The following EVI5 variants were observed in gnomAD, a reference collection of about 807,000 sequenced individuals.
EVI5 encodes ecotropic viral integration site 5 protein homolog.
A neutral mutation model predicts 112.0 loss-of-function variants in EVI5; 73 were observed. The observed-to-expected ratio is 0.65, with a 90% confidence interval of 0.54 to 0.79. The LOEUF (loss-of-function observed/expected upper bound fraction) is 0.79, where lower values mean the gene tolerates loss of function less well. Ranked by LOEUF, EVI5 falls within the 30% of genes least tolerant of loss-of-function variation. The probability of loss-of-function intolerance (pLI) is 0.00; values close to 1 mark genes in which losing one functional copy is unlikely to be tolerated. For synonymous variants in EVI5, 305 were observed against 319.9 expected, an observed-to-expected ratio of 0.95 and a Z score of 0.50; for missense variants, 900 against 968.8, an observed-to-expected ratio of 0.93 and a Z score of 0.94.
intron 1 of EVI5, among the ~76,000 whole-genome samples, chr1:92,767,475 G>C (rs1682813974): frequency 6.6e-6 from 1 of 152,168 alleles, no homozygotes; most frequent in Non-Finnish European, 1.5e-5. Context: ...CCGAGGATAA[G>C]GGGGAACTAC....
chr1:92,704,487 T>C, intron 3 of EVI5, 68 bp downstream of exon 3: 1 of 1,008,426 alleles, frequency 9.9e-7, no homozygotes, highest in Non-Finnish European at 1.4e-6. Flanking sequence ...TTTTTCCCAA[T>C]CCTCTATTAA....
In EVI5 at chr1:92,551,040, C is replaced by CTTTTTTTTTTTTTTTTTTT. The variant is rs55898086; in HGVS notation, c.2166+12583_2166+12601dup. On this transcript the variant is annotated intron_variant, in intron 19 of 19. Coordinates refer to ENST00000684568, the MANE Select transcript of EVI5 (RefSeq NM_001350197.2). ...TCTTTTTTCTTTTCTTTCTTTCTTTCTTTTTTTTTTTTTTTTTTTTGAGAC... is the reference window on the plus strand; with the variant it reads ...TCTTTTTTCTTTTCTTTCTTTCTTTCTTTTTTTTTTTTTTTTTTTTTTTTTTTTTTTTTTTTTTTGAGAC... Among the ~76,000 whole-genome samples the CTTTTTTTTTTTTTTTTTTT allele has an allele frequency of 1.1e-4, 9 of 80,702 alleles. 1 individual carries two copies. The highest frequency in any genetic ancestry group is 3.1e-4 in the African/African-American group (6 of 19,492). The allele number at this position is 80,702 out of a possible 152,430, so 52.9% of individuals were successfully genotyped here.
chr1:92,630,020 G>A (rs1319505283), intron 14 of EVI5, among the ~76,000 whole-genome samples: 2 of 152,130 alleles, frequency 1.3e-5, no homozygotes, highest in Non-Finnish European at 1.5e-5. Flanking sequence ...TGGCTGCATA[G>A]TATTCCATGG....
rs181112148 is a variant in EVI5, at chr1:92,613,162, T to C, written c.1828-5435A>G. On this transcript the variant is annotated intron_variant, in intron 16 of 19. Coordinates refer to ENST00000684568, the MANE Select transcript of EVI5 (RefSeq NM_001350197.2). ...GTCTTTGGGGCACTGGTGAAAGCCA[T>C]TGCATCTTGGGGAAGGGGCAGAACT... 3.9e-4 allele frequency among the ~76,000 whole-genome samples: 60 copies of C among 152,226 alleles called. 1 individual carries two copies. Among genetic ancestry groups the C allele is most frequent in the African/African-American group, 1.2e-3 (48 of 41,540 alleles).
chr1:92,578,315 T>C (rs544478470), intron 18 of EVI5, among the ~76,000 whole-genome samples: 9 of 152,340 alleles, frequency 5.9e-5, no homozygotes, highest in South Asian at 2.1e-4. Context: ...GGAGAAATTC[T>C]GGAATGAAAA....
intron 10 of EVI5, 147 bp from the exon 11 acceptor site, chr1:92,666,139 G>A (rs1664844405): frequency 7.1e-6 from 4 of 560,210 alleles, no homozygotes; most frequent in Non-Finnish European, 1.2e-5. Context: ...AAGACTCAGA[G>A]TAAGAAATAC....
At chr1:92,695,206 A>G (rs1232495183) in intron 7 of EVI5, 104 bp downstream of exon 7, 1 of 887,918 alleles carries the variant, frequency 1.1e-6, no homozygotes, top group Non-Finnish European at 1.7e-6. Context: ...GCAGTTTTGC[A>G]TGGGACACAT....
chr1:92,699,304 G>A (rs1018779872), intron 5 of EVI5, among the ~76,000 whole-genome samples: 4 of 152,104 alleles, frequency 2.6e-5, no homozygotes, highest in Admixed American at 2.6e-4. Context: ...TGATTTTACT[G>A]TTCTCCTAAT....
At chr1:92,756,441 C>T (rs1279742068) in intron 1 of EVI5, 2 of 539,558 alleles carry the variant, frequency 3.7e-6, no homozygotes, top group African/African-American at 1.9e-5. Context: ...ATGGCTTCTT[C>T]GAGGATTATA....
At chr1:92,760,689 G>A (rs181784075) in intron 1 of EVI5, among the ~76,000 whole-genome samples, 11 of 149,602 alleles carry the variant, frequency 7.4e-5, no homozygotes, top group East Asian at 2.0e-4. Context: ...ACGCAAGATC[G>A]CGCCACAGCA....
chr1:92,623,422 A>C (rs995773250), intron 16 of EVI5, among the ~76,000 whole-genome samples: 1 of 152,222 alleles, frequency 6.6e-6, no homozygotes, highest in African/African-American at 2.4e-5. Flanking sequence ...AAAGCCAAAA[A>C]ACAACATTCA....
At chr1:92,520,337 T>C (rs1439823957) in intron 19 of EVI5, among the ~76,000 whole-genome samples, 5 of 152,156 alleles carry the variant, frequency 3.3e-5, no homozygotes, top group Non-Finnish European at 5.9e-5. Context: ...AGAAGAGGCA[T>C]ACTTAAGCAC....
At chr1:92,653,465 CT>C (rs1191149911) in intron 13 of EVI5, among the ~76,000 whole-genome samples, 1 of 152,236 alleles carries the variant, frequency 6.6e-6, no homozygotes, top group Non-Finnish European at 1.5e-5. Context: ...CTCTACAAGG[CT>C]TTGCAAGTGT....
chr1:92,600,752 C>G (rs1300615654), intron 18 of EVI5, among the ~76,000 whole-genome samples: 3 of 152,178 alleles, frequency 2.0e-5, no homozygotes, highest in Non-Finnish European at 2.9e-5. Flanking sequence ...GGAGCTCAGA[C>G]AGTATGCTGC....
chr1:92,682,559 CGA>C (rs1667771077), intron 9 of EVI5, among the ~76,000 whole-genome samples: 1 of 151,966 alleles, frequency 6.6e-6, no homozygotes, highest in African/African-American at 2.4e-5. Flanking sequence ...GTCAGGAGTT[CGA>C]GACCAGCCTG....
chr1:92,669,969 T>C (rs1179327125), intron 10 of EVI5, among the ~76,000 whole-genome samples: 1 of 152,046 alleles, frequency 6.6e-6, no homozygotes, highest in South Asian at 2.1e-4. Context: ...CCTACCAAAT[T>C]AGAAAAAAAA....
At chr1:92,699,800 G>A (rs537996315) in intron 5 of EVI5, among the ~76,000 whole-genome samples, 28 of 152,128 alleles carry the variant, frequency 1.8e-4, no homozygotes, top group African/African-American at 6.0e-4. Flanking sequence ...TCTTATGGGC[G>A]CACCATCACA....
At chr1:92,707,987 C>G (rs922768745) in intron 2 of EVI5, among the ~76,000 whole-genome samples, 25 of 151,866 alleles carry the variant, frequency 1.6e-4, no homozygotes, top group African/African-American at 5.8e-4. Flanking sequence ...ACGAAAGAAG[C>G]CAGGTGCAAA....
chr1:92,695,283 C>G, intron 7 of EVI5, 27 bp downstream of exon 7: 1 of 1,587,154 alleles, frequency 6.3e-7, no homozygotes, highest in East Asian at 2.2e-5. Flanking sequence ...TGCTCAGCTC[C>G]TGCTCTTTGT....
Sources: allele counts gnomAD v4.1 joint callset (sites outside exome capture counted in the v4.1 genomes callset), GRCh38; gene constraint gnomAD v4.1.1; transcripts MANE v1.5; gene names NCBI Gene and HGNC (gene_info 2026-07-23, HGNC 2026-07-21).